Variants in KLHL1 observed in about 807,000 individuals in gnomAD.
KLHL1 encodes kelch like family member 1.
KLHL1 carries 47 observed loss-of-function variants against 77.7 expected under a neutral mutation model. That is an observed-to-expected ratio of 0.60 (90% CI 0.48 to 0.77). The LOEUF is 0.77. Ranked by LOEUF, KLHL1 falls within the 30% of genes least tolerant of loss-of-function variation. KLHL1 has a pLI of 0.00. For missense variants in KLHL1, 925 were observed against 910.8 expected, an observed-to-expected ratio of 1.02 and a Z score of -0.20; for synonymous variants, 360 against 325.2, an observed-to-expected ratio of 1.11 and a Z score of -1.15.
intron 6 of KLHL1, among the ~76,000 whole-genome samples, chr13:69,808,518 C>T (rs1328329517): frequency 6.6e-6 from 1 of 151,794 alleles, no homozygotes. Context: ...CCATATACGC[C>T]ACAGTCATAT....
At chr13:69,735,441 T>G (rs141546495) in intron 8 of KLHL1, among the ~76,000 whole-genome samples, 2,082 of 150,816 alleles carry the variant, frequency 0.014, 42 homozygotes, top group African/African-American at 0.047. Flanking sequence ...TATTAAATGT[T>G]TATCTTTCTA....
rs145388121 is a variant in KLHL1, at chr13:69,893,680, C to G, written c.1015-11185G>C. On this transcript the variant is annotated intron_variant, in intron 4 of 10. Coordinates refer to ENST00000377844, the MANE Select transcript of KLHL1 (RefSeq NM_020866.3). ...CGAAAGTTGGTACAAAACATAAATG[C>G]GTGGAGCATTAATATATTTTGTACC... Among the ~76,000 whole-genome samples the G allele has an allele frequency of 3.5e-4, 54 of 152,138 alleles. No homozygotes were observed. In the East Asian group the frequency reaches 0.01, roughly 29 times the overall value.
At chr13:69,999,188 T>C (rs544487027) in intron 1 of KLHL1, among the ~76,000 whole-genome samples, 22 of 152,250 alleles carry the variant, frequency 1.4e-4, no homozygotes, top group African/African-American at 5.3e-4. Flanking sequence ...TAATGTAACA[T>C]AATCACAGGA....
At chr13:69,822,659 C>T (rs17796136) in intron 6 of KLHL1, among the ~76,000 whole-genome samples, 5,776 of 152,098 alleles carry the variant, frequency 0.038, 142 homozygotes, top group Non-Finnish European at 0.057. Flanking sequence ...AAGTTATGTG[C>T]AACAAAAATA....
At chr13:69,887,440 A>C (rs768413372) in intron 4 of KLHL1, among the ~76,000 whole-genome samples, 5 of 152,150 alleles carry the variant, frequency 3.3e-5, no homozygotes, top group African/African-American at 4.8e-5. Context: ...TCAAATCTTT[A>C]AGATCTGCTT....
At chr13:70,087,771 A>C (rs1452960847) in intron 1 of KLHL1, among the ~76,000 whole-genome samples, 2 of 152,180 alleles carry the variant, frequency 1.3e-5, no homozygotes, top group Non-Finnish European at 2.9e-5. Flanking sequence ...TGAACTTCTT[A>C]GTGAGAAGAT....
intron 9 of KLHL1, among the ~76,000 whole-genome samples, chr13:69,715,760 T>C (rs1345909217): frequency 6.6e-6 from 1 of 152,066 alleles, no homozygotes; most frequent in African/African-American, 2.4e-5. Context: ...TCTTTGACTC[T>C]GCACTCATGC....
intron 1 of KLHL1, among the ~76,000 whole-genome samples, chr13:70,087,512 G>T (rs1032796314): frequency 6.6e-6 from 1 of 150,648 alleles, no homozygotes; most frequent in Non-Finnish European, 1.5e-5. Flanking sequence ...TGAAGACACT[G>T]TGCACAGATG....
At chr13:69,855,987 T>C (rs1405719060) in intron 5 of KLHL1, among the ~76,000 whole-genome samples, 3 of 147,870 alleles carry the variant, frequency 2.0e-5, no homozygotes, top group African/African-American at 7.4e-5. Flanking sequence ...GTTTTTTATA[T>C]ATTATATATA....
At chr13:69,707,487 A>G in intron 10 of KLHL1, 138 bp downstream of exon 10, 1 of 679,702 alleles carries the variant, frequency 1.5e-6, no homozygotes. Flanking sequence ...TTACAAAATC[A>G]ACACAATATT....
chr13:69,888,904 G>A (rs932668306), intron 4 of KLHL1, among the ~76,000 whole-genome samples: 12 of 151,882 alleles, frequency 7.9e-5, no homozygotes, highest in Non-Finnish European at 1.5e-4. Flanking sequence ...GAATTTCTAA[G>A]TTATTTCTTT....
chr13:70,069,214 A>T (rs186210366), intron 1 of KLHL1, among the ~76,000 whole-genome samples: 111 of 152,286 alleles, frequency 7.3e-4, no homozygotes, highest in African/African-American at 2.5e-3. Context: ...CCTGTATAAT[A>T]AAAAGGAGAT....
At chr13:69,914,792 G>T (rs1882365584) in intron 4 of KLHL1, among the ~76,000 whole-genome samples, 1 of 152,038 alleles carries the variant, frequency 6.6e-6, no homozygotes, top group Non-Finnish European at 1.5e-5. Flanking sequence ...ATTTAGGTAA[G>T]CATGGGTCAA....
intron 1 of KLHL1, among the ~76,000 whole-genome samples, chr13:70,073,094 TAA>T (rs1887175856): frequency 6.6e-6 from 1 of 152,140 alleles, no homozygotes; most frequent in African/African-American, 2.4e-5. Flanking sequence ...CATGCTGCTA[TAA>T]AGACACATGC....
chr13:69,906,279 T>C lies in KLHL1; in HGVS notation c.1015-23784A>G, dbSNP rs530714552. Among the ~76,000 whole-genome samples, 4 of 152,064 alleles carry C rather than the reference T, an allele frequency of 2.6e-5. No individual in the cohort carries two copies. The East Asian group carries it at 5.8e-4, about 22-fold the overall frequency. ...GGGAATTTTTATTACCTAAAACTCA[T>C]CAGAAAAATAATGGTCTTTGTCTTT... On this transcript the variant is annotated intron_variant, in intron 4 of 10. Coordinates refer to ENST00000377844, the MANE Select transcript of KLHL1 (RefSeq NM_020866.3).
chr13:70,103,704 C>G (rs1327222130), intron 1 of KLHL1, among the ~76,000 whole-genome samples: 1 of 152,092 alleles, frequency 6.6e-6, no homozygotes, highest in African/African-American at 2.4e-5. Context: ...AGATATTGAC[C>G]AATGTGACCC....
At chr13:69,707,555 CCCT>C (rs1875679796) in intron 10 of KLHL1, 67 bp downstream of exon 10, 7 of 1,409,770 alleles carry the variant, frequency 5.0e-6, no homozygotes, top group Non-Finnish European at 6.8e-6. Context: ...GTTTGTATAC[CCCT>C]CCTCCACAGA....
At chr13:69,934,054 T>G (rs1220094089) in intron 4 of KLHL1, among the ~76,000 whole-genome samples, 1 of 152,176 alleles carries the variant, frequency 6.6e-6, no homozygotes, top group Non-Finnish European at 1.5e-5. Flanking sequence ...GTAAATTATT[T>G]AACAATCCTG....
intron 1 of KLHL1, among the ~76,000 whole-genome samples, chr13:69,984,303 T>G (rs1884804606): frequency 6.6e-6 from 1 of 152,066 alleles, no homozygotes; most frequent in Non-Finnish European, 1.5e-5. Flanking sequence ...GCTGCAGACA[T>G]AGATAAGCAA....
Sources: gnomAD v4.1 joint callset for allele counts (sites outside exome capture counted in the v4.1 genomes callset) on GRCh38, gnomAD v4.1.1 for gene constraint, MANE v1.5 for transcripts, NCBI Gene and HGNC (gene_info 2026-07-23, HGNC 2026-07-21) for gene names.